RPS20: variants seen among roughly 807,000 people sequenced by gnomAD.
RPS20 encodes the protein ribosomal protein S20, also known as small ribosomal subunit protein uS10.
A neutral mutation model predicts 15.3 loss-of-function variants in RPS20; 3 were observed. The observed-to-expected ratio is 0.20, with a 90% CI of 0.09 to 0.51. The LOEUF is 0.51. RPS20 is among the 20% of genes least tolerant of loss of function. RPS20 has a pLI of 0.96. For synonymous variants in RPS20, 62 were observed against 47.8 expected (o/e 1.30, Z -1.23); for missense variants, 67 against 145.9 (o/e 0.46, Z 2.79).
Position 56,074,458 on chromosome 8 carries a change from G to A in RPS20, c.-75C>T, listed in dbSNP as rs1051895107. The A allele has an allele frequency of 5.3e-6, 8 of 1,507,500 alleles. 1 individual carries two copies. The highest frequency in any genetic ancestry group is 4.2e-5 in the African/African-American group (3 of 72,176). 93.4% of individuals were successfully genotyped at this position (1,507,500 alleles called of 1,614,324 possible). ...ACAGCGGTGAGTCAGGAGCAGGAGCGTGCGGACCAAAAATCCTCAGCCCTT... is the reference window on the plus strand; with the variant it reads ...ACAGCGGTGAGTCAGGAGCAGGAGCATGCGGACCAAAAATCCTCAGCCCTT... On this transcript the variant is annotated 5_prime_UTR_variant, in exon 1 of 4. The change creates a new upstream start codon in the 5' untranslated region. Transcript: ENST00000009589.
At chr8:56,072,989 A>G (rs544105403), downstream of RPS20, 393 of 1,481,904 alleles carry the variant, frequency 2.7e-4, 3 homozygotes, top group African/African-American at 5.1e-3. Context: ...TGAAAAGTGG[A>G]AGTCTCATAG....
chr8:56,073,940 CTTT>C (rs1321736266), intron 2 of RPS20, 117 bp downstream of exon 2: 3 of 1,133,008 alleles, frequency 2.6e-6, no homozygotes, highest in South Asian at 2.5e-5. Context: ...CCACGCTTTA[CTTT>C]TTTAAGTAAC....
At chr8:56,072,424 C>A (rs182183704), downstream of RPS20, among the ~76,000 whole-genome samples, 4 of 151,002 alleles carry the variant, frequency 2.6e-5, no homozygotes, top group South Asian at 2.1e-4. Flanking sequence ...TGGTCGCAGG[C>A]ACTTGTAATC....
At position 56,073,240 on chromosome 8, in the gene RPS20, A is replaced by G. The variant is rs766012489; in HGVS notation, c.210T>C (p.Cys70=). The change falls in exon 4 of 4, where the codon TGT becomes TGC. Residue 70 remains cysteine (C), a synonymous_variant. Transcript: ENST00000009589. ...GATCCCACGTCTTAGAACCTTCACCACAAGGAGTTTTTCTTGTAGTGATTC... is the reference window on the plus strand; with the variant it reads ...GATCCCACGTCTTAGAACCTTCACCGCAAGGAGTTTTTCTTGTAGTGATTC... ...TLRITTRKTP[C]GEGSKTWDRF... is the part of the protein sequence containing the mutation. The G allele has an allele frequency of 1.9e-6, 3 of 1,608,206 alleles. No individual in the cohort carries two copies. Among genetic ancestry groups the G allele is most frequent in the Admixed American group, 1.7e-5 (1 of 59,950 alleles).
rs1809875547 is a variant in RPS20 at position 56,074,447 on chromosome 8, G to A, written c.-64C>T. ...GGCGAGAGCGAACAGCGGTGAGTCAGGAGCAGGAGCGTGCGGACCAAAAAT... is the reference window on the plus strand; with the variant it reads ...GGCGAGAGCGAACAGCGGTGAGTCAAGAGCAGGAGCGTGCGGACCAAAAAT... On this transcript the variant is annotated 5_prime_UTR_variant, in exon 1 of 4. Coordinates refer to ENST00000009589, the MANE Select transcript of RPS20 (RefSeq NM_001023.4). 1 of 1,530,910 alleles carries A rather than the reference G, an allele frequency of 6.5e-7. No individual in the cohort carries two copies. Among genetic ancestry groups the A allele is most frequent in the South Asian group, 1.2e-5 (1 of 84,294 alleles). The allele number at this position is 1,530,910 out of a possible 1,614,324, so 94.8% of individuals were successfully genotyped here. A position where few individuals can be genotyped will look rare whatever the true frequency, so the allele number is the denominator to read the frequency against.
At chr8:56,069,765 G>A (rs2953900), downstream of RPS20, 9 of 1,551,348 alleles carry the variant, frequency 5.8e-6, no homozygotes, top group South Asian at 3.6e-5. Context: ...CCGGGGATTC[G>A]AATACACTTC....
At chr8:56,069,882 A>T (rs1251517307), downstream of RPS20, 1 of 846,004 alleles carries the variant, frequency 1.2e-6, no homozygotes, top group African/African-American at 1.7e-5. Flanking sequence ...CTGCACATGT[A>T]TAGACATTCT....
Position 56,073,999 on chromosome 8 carries a change from G to A in RPS20, c.103+61C>T, listed in dbSNP as rs887652331. On this transcript the variant is annotated intron_variant, in intron 2 of 3. Transcript: ENST00000009589. The stretch of plus-strand genomic sequence containing the variant: ...GTCCACCTTCTACACTAACATTAAC[G>A]AGTAAAGCTCGTCGCTTTTCGCCCA... 25 of 1,318,336 alleles carry A rather than the reference G, an allele frequency of 1.9e-5. No individual in the cohort carries two copies. In the African/African-American group the frequency reaches 2.5e-4, roughly 13 times the overall value. The allele number at this position is 1,318,336 out of a possible 1,614,324, so 81.7% of individuals were successfully genotyped here. A position where few individuals can be genotyped will look rare whatever the true frequency, so the allele number is the denominator to read the frequency against.
chr8:56,073,796 T>C (rs1221032512), intron 2 of RPS20, 28 bp from the exon 3 acceptor site: 4 of 1,603,274 alleles, frequency 2.5e-6, no homozygotes, highest in African/African-American at 2.7e-5. Context: ...CCTCTCAGTA[T>C]AATCGAAACA....
downstream of RPS20, among the ~76,000 whole-genome samples, chr8:56,070,903 TCCATACAAGATGG>T (rs561812667): frequency 1.8e-4 from 27 of 152,242 alleles, no homozygotes; most frequent in South Asian, 5.6e-3. Flanking sequence ...TTAACTCCCA[TCCATACAAGATGG>T]CCTGTTAACT....
chr8:56,068,969 T>G, downstream of RPS20, among the ~76,000 whole-genome samples: 1 of 151,782 alleles, frequency 6.6e-6, no homozygotes, highest in Non-Finnish European at 1.5e-5. Flanking sequence ...CAGCTAATTT[T>G]GCATTTTTAG....
At chr8:56,071,652 T>C (rs1181966312), downstream of RPS20, among the ~76,000 whole-genome samples, 2 of 152,178 alleles carry the variant, frequency 1.3e-5, no homozygotes, top group Non-Finnish European at 2.9e-5. Flanking sequence ...GGAGGGAAGA[T>C]TTCATTTTAG....
At chr8:56,069,621 G>T, downstream of RPS20, 1 of 988,970 alleles carries the variant, frequency 1.0e-6, no homozygotes, top group Non-Finnish European at 1.6e-6. Flanking sequence ...ACTTTCAAAA[G>T]ATAAAATTTC....
downstream of RPS20, among the ~76,000 whole-genome samples, chr8:56,072,415 G>GAATAAAAA (rs1809790010): frequency 6.6e-6 from 1 of 151,502 alleles, no homozygotes; most frequent in African/African-American, 2.4e-5. Flanking sequence ...AACCAGGCTT[G>GAATAAAAA]GTCGCAGGCA....
At chr8:56,073,907 A>G (rs1350975811) in intron 2 of RPS20, 139 bp from the exon 3 acceptor site, 4 of 1,084,114 alleles carry the variant, frequency 3.7e-6, no homozygotes, top group African/African-American at 3.1e-5. Context: ...CGCCAGCTGT[A>G]TGACAGTAAA....
intron 1 of RPS20, 29 bp from the exon 2 acceptor site, chr8:56,074,188 T>A: frequency 1.3e-6 from 2 of 1,590,110 alleles, no homozygotes; most frequent in Non-Finnish European, 1.7e-6. Flanking sequence ...AAAAGAACAA[T>A]AAGCCAAAAA....
At chr8:56,071,621 G>A (rs1809758029), downstream of RPS20, among the ~76,000 whole-genome samples, 1 of 152,188 alleles carries the variant, frequency 6.6e-6, no homozygotes. Context: ...TTCAGACTAG[G>A]AACACAGGAC....
rs373737136 is a variant in RPS20 at position 56,074,036 on chromosome 8, C to T, written c.103+24G>A. On this transcript the variant is annotated intron_variant, in intron 2 of 3. Coordinates refer to ENST00000009589, the MANE Select transcript of RPS20 (RefSeq NM_001023.4). ...TCGCTTTTCGCCCAATTCCCCCTCC[C>T]CCCCGCATAACGAATGCACTGACCC... 8.3e-6 allele frequency: 13 copies of T among 1,574,888 alleles called. No homozygotes were observed. The East Asian group carries it at 2.7e-4, about 33-fold the overall frequency.
chr8:56,071,113 T>A (rs951205040), downstream of RPS20, among the ~76,000 whole-genome samples: 3 of 152,250 alleles, frequency 2.0e-5, no homozygotes, highest in Non-Finnish European at 4.4e-5. Flanking sequence ...ATAGCTTTAA[T>A]CCAACACTTT....
Sources: gnomAD v4.1 joint callset for allele counts (sites outside exome capture counted in the v4.1 genomes callset) on GRCh38, gnomAD v4.1.1 for gene constraint, MANE v1.5 for transcripts, NCBI Gene and HGNC (gene_info 2026-07-23, HGNC 2026-07-21) for gene names.